Variants in MIEF1 observed in about 807,000 individuals in gnomAD.
MIEF1 encodes mitochondrial dynamics protein MIEF1.
Under a neutral mutation model 35.1 loss-of-function variants are expected in MIEF1, and 14 were observed. That is an observed-to-expected ratio of 0.40 (90% CI 0.26 to 0.62). MIEF1 has a LOEUF of 0.62. Among genes scored for constraint, MIEF1 ranks in the 20% least tolerant of loss-of-function variants. MIEF1 has a pLI of 0.43. For missense variants in MIEF1, 542 were observed against 615.4 expected, an observed-to-expected ratio of 0.88 and a Z score of 1.26; for synonymous variants, 245 against 254.3, an observed-to-expected ratio of 0.96 and a Z score of 0.35.
rs760044793 is a variant in MIEF1, at chr22:39,514,073, C to T, written c.1142C>T (p.Thr381Ile). 2.5e-6 allele frequency: 4 copies of T among 1,614,192 alleles called. No individual in the cohort carries two copies. Among genetic ancestry groups the T allele is most frequent in the Admixed American group, 3.3e-5 (2 of 60,032 alleles). The change falls in exon 6 of 6, where the codon ACT becomes ATT. Residue 381 changes from threonine to isoleucine, a missense_variant. Coordinates refer to ENST00000325301, the MANE Select transcript of MIEF1 (RefSeq NM_019008.6). ...TCCACCCCGGCTCTGGGCCACCTCA[C>T]TGCCAGCCAGCTAACCAATGTCATC... ...CKSTPALGHL[T>I]ASQLTNVILH...
Position 39,512,340 on chromosome 22 carries a change from G to C in MIEF1, c.431G>C (p.Arg144Pro), listed in dbSNP as rs777054252. ...CAGGAGAAACTTCTTACTTACTACC[G>C]GAACCGGGCAGCCATCCCTGCTGGA... ...SLQEKLLTYYRNRAAIPAGEQ... is the reference protein window; with the variant it reads ...SLQEKLLTYYPNRAAIPAGEQ... Residue 144 changes from arginine (R) to proline (P), a missense_variant, in exon 5 of 6, where the codon CGG becomes CCG. Arg to Pro is a moderately radical substitution (Grantham distance 103). Coordinates refer to ENST00000325301, the MANE Select transcript of MIEF1 (RefSeq NM_019008.6). 6.2e-7 allele frequency: 1 copy of C among 1,614,242 alleles called. No individual in the cohort carries two copies. Among genetic ancestry groups the C allele is most frequent in the African/African-American group, 1.3e-5 (1 of 75,074 alleles).
upstream of MIEF1, among the ~76,000 whole-genome samples, chr22:39,500,768 C>T (rs529430974): frequency 1.3e-5 from 2 of 152,062 alleles, no homozygotes; most frequent in African/African-American, 4.8e-5. Flanking sequence ...GATCTTGGCT[C>T]ACTGCAACCT....
chr22:39,514,405 C>T lies in MIEF1; in HGVS notation c.*82C>T, dbSNP rs767615419. 43 of 1,394,712 alleles carry T rather than the reference C, an allele frequency of 3.1e-5. No individual in the cohort carries two copies. Among genetic ancestry groups the T allele is most frequent in the Non-Finnish European group, 4.1e-5 (41 of 1,004,012 alleles). 86.4% of individuals were successfully genotyped at this position (1,394,712 alleles called of 1,614,324 possible). A position where few individuals can be genotyped will look rare whatever the true frequency, so the allele number is the denominator to read the frequency against. On this transcript the variant is annotated 3_prime_UTR_variant, in exon 6 of 6. Transcript: ENST00000325301. ...ACACTTGGCTACCTAGTTGGTGCCT[C>T]ACAGGGTTCCTGCTGCCTGGTGTCT...
chr22:39,502,309 T>G lies in MIEF1; in HGVS notation c.-468T>G, dbSNP rs1174286087. ...GCCTCCACTCGCCCTCGTGCTCCCTTCAGCCCCTTCGCAGCTCCGTGCGCA... is the reference window on the plus strand; with the variant it reads ...GCCTCCACTCGCCCTCGTGCTCCCTGCAGCCCCTTCGCAGCTCCGTGCGCA... On this transcript the variant is annotated 5_prime_UTR_variant, in exon 1 of 6. Transcript: ENST00000325301. 6.6e-6 allele frequency: 1 copy of G among 152,328 alleles called. No individual in the cohort carries two copies. Among genetic ancestry groups the G allele is most frequent in the African/African-American group, 2.4e-5 (1 of 41,456 alleles). 9.4% of individuals were successfully genotyped at this position (152,328 alleles called of 1,614,324 possible). A position where few individuals can be genotyped will look rare whatever the true frequency, so the allele number is the denominator to read the frequency against.
chr22:39,514,275 C>T lies in MIEF1; in HGVS notation c.1344C>T (p.Tyr448=). 1 of 1,614,144 alleles carries T rather than the reference C, an allele frequency of 6.2e-7. No individual in the cohort carries two copies. Among genetic ancestry groups the T allele is most frequent in the South Asian group, 1.1e-5 (1 of 91,082 alleles). Residue 448 remains tyrosine (Y), a synonymous_variant, in exon 6 of 6, where the codon TAC becomes TAT. Transcript: ENST00000325301. Reference sequence around the variant, plus strand: ...CTGAAGAAATAGACGAATTAGGATACACTCTGTATTGCTCATTGTCTGAGC... The same window carrying T: ...CTGAAGAAATAGACGAATTAGGATATACTCTGTATTGCTCATTGTCTGAGC... The part of the protein sequence containing the change: ...LTPEEIDELG[Y]TLYCSLSEPE...
In MIEF1 at chr22:39,514,053, C is replaced by T. The variant is rs1412265810; in HGVS notation, c.1122C>T (p.Thr374=). Residue 374 remains threonine, a synonymous_variant, in exon 6 of 6, where the codon ACC becomes ACT. Transcript: ENST00000325301. ...LKILKAICKS[T]PALGHLTASQ... ...TCCTCAAGGCCATATGCAAGTCCAC[C>T]CCGGCTCTGGGCCACCTCACTGCCA... is the stretch of plus-strand genomic sequence containing the variant. The T allele has an allele frequency of 1.2e-6, 2 of 1,613,894 alleles. No homozygotes were observed. The highest frequency in any genetic ancestry group is 2.2e-5 in the East Asian group (1 of 44,896).
intron 2 of MIEF1, among the ~76,000 whole-genome samples, chr22:39,506,081 G>C (rs913085615): frequency 6.6e-6 from 1 of 152,208 alleles, no homozygotes; most frequent in Non-Finnish European, 1.5e-5. Context: ...GCGGATCTAG[G>C]AGGGAATTAG....
At chr22:39,507,321 C>G (rs1318919975) in intron 2 of MIEF1, among the ~76,000 whole-genome samples, 3 of 152,000 alleles carry the variant, frequency 2.0e-5, no homozygotes, top group Non-Finnish European at 4.4e-5. Flanking sequence ...TCTTGGCTCA[C>G]TGCAACCTCT....
At chr22:39,503,997 G>A in intron 1 of MIEF1, 1 of 372,960 alleles carries the variant, frequency 2.7e-6, no homozygotes. Context: ...GCCAGGATTT[G>A]AGCCCTGGTG....
At position 39,507,284 on chromosome 22, in the gene MIEF1, A is replaced by G. The variant is rs367987533; in HGVS notation, c.-8+2750A>G. ...TCTTGAGATGGAGTCTTGCTCTGTC[A>G]CCCAGGCTGGAGTGCAGTGGGTGCA... On this transcript the variant is annotated intron_variant, in intron 2 of 5. Transcript: ENST00000325301. 1.9e-3 allele frequency among the ~76,000 whole-genome samples: 286 copies of G among 151,942 alleles called. 10 individuals are homozygous for G. The South Asian group carries it at 0.054, about 29-fold the overall frequency.
rs2232092 is a variant in MIEF1 at position 39,513,953 on chromosome 22, T to C, written c.1022T>C (p.Leu341Pro). The change falls in exon 6 of 6, where the codon CTG becomes CCG. Residue 341 changes from leucine (L) to proline (P), a missense_variant. Transcript: ENST00000325301. ...TATGACAACCTGTGGCGGCTGAGCC[T>C]GCGTCCCGCGGAGACGGCACGCCTG... ...AQYDNLWRLSLRPAETARLRA... is the reference protein window; with the variant it reads ...AQYDNLWRLSPRPAETARLRA... 4 of 1,613,256 alleles carry C rather than the reference T, an allele frequency of 2.5e-6. No homozygotes were observed. Among genetic ancestry groups the C allele is most frequent in the African/African-American group, 1.3e-5 (1 of 75,060 alleles).
Position 39,515,529 on chromosome 22 carries a change from C to G in MIEF1, c.*1206C>G. ...CTCTTCCCCCTGTCCTGTTTCTCAC[C>G]CAGCACCTGGGGAGATCGGTGCTAC... On this transcript the variant is annotated 3_prime_UTR_variant, in exon 6 of 6. Transcript: ENST00000325301. 1 of 597,862 alleles carries G rather than the reference C, an allele frequency of 1.7e-6. No individual in the cohort carries two copies. Among genetic ancestry groups the G allele is most frequent in the Non-Finnish European group, 3.0e-6 (1 of 334,488 alleles). The allele number at this position is 597,862 out of a possible 1,614,324, so 37.0% of individuals were successfully genotyped here.
Position 39,513,969 on chromosome 22 carries a change from G to A in MIEF1, c.1038G>A (p.Thr346=), listed in dbSNP as rs201612054. The change falls in exon 6 of 6, where the codon ACG becomes ACA. Residue 346 remains threonine, a synonymous_variant. Coordinates refer to ENST00000325301, the MANE Select transcript of MIEF1 (RefSeq NM_019008.6). ...LWRLSLRPAE[T]ARLRALDQAD... is the part of the protein sequence containing the mutation. ...GGCTGAGCCTGCGTCCCGCGGAGAC[G>A]GCACGCCTGCGGGCTCTGGACCAGG... 2 of 1,613,114 alleles carry A rather than the reference G, an allele frequency of 1.2e-6. No individual in the cohort carries two copies. Among genetic ancestry groups the A allele is most frequent in the Admixed American group, 1.7e-5 (1 of 60,032 alleles).
chr22:39,515,248 C>T lies in MIEF1; in HGVS notation c.*925C>T, dbSNP rs760580493. 3.2e-5 allele frequency: 23 copies of T among 716,512 alleles called. No individual in the cohort carries two copies. The highest frequency in any genetic ancestry group is 2.6e-4 in the African/African-American group (15 of 57,194). The allele number at this position is 716,512 out of a possible 1,614,324, so 44.4% of individuals were successfully genotyped here. A position where few individuals can be genotyped will look rare whatever the true frequency, so the allele number is the denominator to read the frequency against. ...CAATCAGGACAAGGCCTTGAAGGAA[C>T]GCAGCCTTAGACATCAGGTGAGGAT... On this transcript the variant is annotated 3_prime_UTR_variant, in exon 6 of 6. Transcript: ENST00000325301.
intron 2 of MIEF1, among the ~76,000 whole-genome samples, chr22:39,507,201 C>T (rs147537737): frequency 9.6e-4 from 146 of 152,248 alleles, no homozygotes; most frequent in African/African-American, 3.4e-3. Context: ...GATGTCAGTC[C>T]GTCCTTGGAT....
intron 4 of MIEF1, 65 bp from the exon 5 acceptor site, chr22:39,512,167 T>G: frequency 6.4e-7 from 1 of 1,571,576 alleles, no homozygotes; most frequent in Non-Finnish European, 8.6e-7. Context: ...TTTCTGGGGC[T>G]GAGGCAGCTG....
rs1416218834 is a variant in MIEF1, at chr22:39,514,541, C to T, written c.*218C>T. 1.9e-5 allele frequency: 11 copies of T among 576,636 alleles called. No homozygotes were observed. The highest frequency in any genetic ancestry group is 2.2e-5 in the South Asian group (1 of 45,270). The allele number at this position is 576,636 out of a possible 1,614,324, so 35.7% of individuals were successfully genotyped here. A position where few individuals can be genotyped will look rare whatever the true frequency, so the allele number is the denominator to read the frequency against. ...TGTTACCAATCACTGTGCTCTCTGC[C>T]GCCCCCTGGCTCCAGGCTAATTTTT... On this transcript the variant is annotated 3_prime_UTR_variant, in exon 6 of 6. Coordinates refer to ENST00000325301, the MANE Select transcript of MIEF1 (RefSeq NM_019008.6).
At chr22:39,506,189 C>T (rs1006925493) in intron 2 of MIEF1, among the ~76,000 whole-genome samples, 7 of 152,258 alleles carry the variant, frequency 4.6e-5, no homozygotes, top group South Asian at 2.1e-4. Flanking sequence ...AGAAACAAAA[C>T]GCCGTAGAGT....
chr22:39,503,559 C>T (rs1016884427), intron 1 of MIEF1: 10 of 152,192 alleles, frequency 6.6e-5, no homozygotes, highest in African/African-American at 2.4e-4. Flanking sequence ...TGGCTAGGTG[C>T]TACTAATAAT....
Sources: gnomAD v4.1 joint callset for allele counts (sites outside exome capture counted in the v4.1 genomes callset) on GRCh38, gnomAD v4.1.1 for gene constraint, MANE v1.5 for transcripts, NCBI Gene and HGNC (gene_info 2026-07-23, HGNC 2026-07-21) for gene names.